Variants in PIGU observed in about 807,000 individuals in gnomAD.
PIGU encodes GPI-anchor transamidase component PIGU.
PIGU carries 24 observed loss-of-function variants against 49.9 expected under a neutral mutation model. The observed-to-expected ratio is 0.48, with a 90% confidence interval of 0.35 to 0.68. PIGU has a LOEUF of 0.68. Ranked by LOEUF, PIGU falls within the 30% of genes least tolerant of loss-of-function variation. PIGU has a pLI of 0.01. For synonymous variants in PIGU, 220 were observed against 205.7 expected (o/e 1.07, Z -0.59); for missense variants, 490 against 532.6 (o/e 0.92, Z 0.79).
intron 5 of PIGU, among the ~76,000 whole-genome samples, chr20:34,637,620 G>C (rs963487572): frequency 6.6e-6 from 1 of 152,180 alleles, no homozygotes; most frequent in Admixed American, 6.5e-5. Flanking sequence ...ACCCAGATCA[G>C]CATGGAGTCA....
rs1179704768 is a variant in PIGU at position 34,601,328 on chromosome 20, A to C, written c.628-12721T>G. Among the ~76,000 whole-genome samples, 3 of 152,190 alleles carry C rather than the reference A, an allele frequency of 2.0e-5. No individual in the cohort carries two copies. In the East Asian group the frequency reaches 5.8e-4, roughly 29 times the overall value. On this transcript the variant is annotated intron_variant, in intron 7 of 11. Transcript: ENST00000217446. ...GGGGAACAGGGCCCTAAAACGATAAAGTAATTTGAAGTATGTACTGCATCT... is the reference window on the plus strand; with the variant it reads ...GGGGAACAGGGCCCTAAAACGATAACGTAATTTGAAGTATGTACTGCATCT...
intron 11 of PIGU, among the ~76,000 whole-genome samples, chr20:34,570,539 C>T (rs558826448): frequency 1.1e-4 from 17 of 152,214 alleles, no homozygotes; most frequent in African/African-American, 3.9e-4. Flanking sequence ...CTCAGCCTCC[C>T]GAATAGCTGG....
chr20:34,561,338 T>C (rs955295970), intron 11 of PIGU, among the ~76,000 whole-genome samples: 2 of 152,148 alleles, frequency 1.3e-5, no homozygotes, highest in Non-Finnish European at 2.9e-5. Context: ...CTTCCCTCTG[T>C]CAAATACACT....
chr20:34,666,117 C>A (rs556247587), intron 1 of PIGU, among the ~76,000 whole-genome samples: 2 of 151,888 alleles, frequency 1.3e-5, no homozygotes, highest in African/African-American at 2.4e-5. Flanking sequence ...ACCCAGAATG[C>A]GGAGGTTGTA....
chr20:34,618,081 G>C (rs1366180684), intron 6 of PIGU, among the ~76,000 whole-genome samples: 1 of 151,980 alleles, frequency 6.6e-6, no homozygotes, highest in Non-Finnish European at 1.5e-5. Flanking sequence ...AAATTGCCCA[G>C]TCTCGGACTA....
In PIGU at chr20:34,581,628, G is replaced by T. The variant is rs1249321071; in HGVS notation, c.971C>A (p.Ala324Asp). ...CACTGTCGGGTAGGACTTAAAGATG[G>T]CGATGACAGCGATCTGGATAAACAT... ...FFMFIQIAVI[A>D]IFKSYPTVGD... Residue 324 changes from alanine to aspartate, a missense_variant, in exon 10 of 12, where the codon GCC becomes GAC. Coordinates refer to ENST00000217446, the MANE Select transcript of PIGU (RefSeq NM_080476.5). 2.2e-5 allele frequency: 36 copies of T among 1,613,862 alleles called. No individual in the cohort carries two copies. Among genetic ancestry groups the T allele is most frequent in the Non-Finnish European group, 3.0e-5 (35 of 1,179,918 alleles).
intron 6 of PIGU, among the ~76,000 whole-genome samples, chr20:34,629,706 T>G (rs1985628191): frequency 6.6e-6 from 1 of 152,216 alleles, no homozygotes; most frequent in Admixed American, 6.5e-5. Flanking sequence ...ATACAAGATT[T>G]AAAAGTCTGG....
intron 5 of PIGU, among the ~76,000 whole-genome samples, chr20:34,635,092 C>A (rs1440556817): frequency 6.6e-6 from 1 of 152,170 alleles, no homozygotes; most frequent in Non-Finnish European, 1.5e-5. Context: ...ATAAATACAT[C>A]CAAAATCAGG....
chr20:34,575,250 C>T lies in PIGU; in HGVS notation c.1052-4G>A. Reference sequence around the variant, plus strand: ...AGGACAAAGATGTTTCTCAGGACTGCAAAGACAGAGGGTTACAGTTAGCCT... The same window carrying T: ...AGGACAAAGATGTTTCTCAGGACTGTAAAGACAGAGGGTTACAGTTAGCCT... On this transcript the variant is annotated splice_polypyrimidine_tract_variant and splice_region_variant and intron_variant, in intron 10 of 11. Transcript: ENST00000217446. The T allele has an allele frequency of 6.2e-7, 1 of 1,613,768 alleles. No homozygotes were observed. The highest frequency in any genetic ancestry group is 8.5e-7 in the Non-Finnish European group (1 of 1,179,790).
chr20:34,674,920 T>G (rs149175252), intron 1 of PIGU, among the ~76,000 whole-genome samples: 99 of 139,464 alleles, frequency 7.1e-4, no homozygotes, highest in African/African-American at 2.4e-3. Flanking sequence ...CCAGCCTGAG[T>G]GTCAGAGTGA....
At chr20:34,660,561 G>C (rs1205905280) in intron 1 of PIGU, among the ~76,000 whole-genome samples, 3 of 152,120 alleles carry the variant, frequency 2.0e-5, no homozygotes, top group African/African-American at 7.2e-5. Flanking sequence ...CTCCAGCCTG[G>C]GCAACAGAGT....
At chr20:34,613,176 C>G (rs533438015) in intron 7 of PIGU, among the ~76,000 whole-genome samples, 3 of 152,228 alleles carry the variant, frequency 2.0e-5, no homozygotes, top group African/African-American at 7.2e-5. Context: ...TTTGGGCCCC[C>G]AGTTTACCCC....
intron 10 of PIGU, among the ~76,000 whole-genome samples, chr20:34,578,480 T>C (rs1228381654): frequency 6.6e-6 from 1 of 152,176 alleles, no homozygotes; most frequent in African/African-American, 2.4e-5. Context: ...ATTCCCAAAA[T>C]AAAATGTTTG....
At chr20:34,602,671 C>CT (rs1431992261) in intron 7 of PIGU, among the ~76,000 whole-genome samples, 3 of 152,130 alleles carry the variant, frequency 2.0e-5, no homozygotes, top group Non-Finnish European at 4.4e-5. Context: ...CCTAAAAACT[C>CT]TATCAATTTT....
At position 34,581,540 on chromosome 20, in the gene PIGU, G is replaced by A; in HGVS notation, c.1051+8C>T. On this transcript the variant is annotated splice_region_variant and intron_variant, in intron 10 of 11. Transcript: ENST00000217446. ...ACACAAATCTGTGGCAGAGGCGGGAGTACTCACATCTGTAGAGATGGTTCC... is the reference window on the plus strand; with the variant it reads ...ACACAAATCTGTGGCAGAGGCGGGAATACTCACATCTGTAGAGATGGTTCC... 1 of 1,609,834 alleles carries A rather than the reference G, an allele frequency of 6.2e-7. No homozygotes were observed. Among genetic ancestry groups the A allele is most frequent in the Non-Finnish European group, 8.5e-7 (1 of 1,177,988 alleles).
intron 7 of PIGU, among the ~76,000 whole-genome samples, chr20:34,611,150 A>C (rs1984797254): frequency 6.6e-6 from 1 of 152,314 alleles, no homozygotes; most frequent in East Asian, 1.9e-4. Flanking sequence ...ATGGGCAAAG[A>C]CTTCATGACT....
intron 10 of PIGU, 76 bp downstream of exon 10, chr20:34,581,472 T>C: frequency 6.4e-7 from 1 of 1,561,160 alleles, no homozygotes; most frequent in South Asian, 1.2e-5. Context: ...TAAATGCCTA[T>C]GAATTCCTTT....
chr20:34,603,056 C>G (rs1456267744), intron 7 of PIGU, among the ~76,000 whole-genome samples: 2 of 150,810 alleles, frequency 1.3e-5, no homozygotes, highest in African/African-American at 4.9e-5. Flanking sequence ...TTTCTTGTTA[C>G]AATTCATATG....
intron 1 of PIGU, among the ~76,000 whole-genome samples, chr20:34,657,854 T>C (rs1316134793): frequency 6.6e-6 from 1 of 152,212 alleles, no homozygotes; most frequent in African/African-American, 2.4e-5. Flanking sequence ...CAATGAATTA[T>C]GACATAATAT....
Sources: gnomAD v4.1 joint callset for allele counts (sites outside exome capture counted in the v4.1 genomes callset) on GRCh38, gnomAD v4.1.1 for gene constraint, MANE v1.5 for transcripts, NCBI Gene and HGNC (gene_info 2026-07-23, HGNC 2026-07-21) for gene names.